Variants in COL17A1 observed in about 807,000 individuals in gnomAD.
The protein encoded by COL17A1 is collagen alpha-1(XVII) chain.
In COL17A1, 181 loss-of-function variants were observed where a neutral mutation model predicts 218.4. That is an observed-to-expected ratio of 0.83 (90% CI 0.73 to 0.94). The LOEUF (loss-of-function observed/expected upper bound fraction) is 0.94. Ranked by LOEUF, COL17A1 falls within the 40% of genes least tolerant of loss-of-function variation. The probability of loss-of-function intolerance (pLI) is 0.00; values close to 1 mark genes in which losing one functional copy is unlikely to be tolerated. For synonymous variants in COL17A1, 721 were observed against 731.0 expected (o/e 0.99, Z 0.22); for missense variants, 1,924 against 1,945.9 (o/e 0.99, Z 0.21).
rs766292786 is a variant in COL17A1, at chr10:104,034,344, G to A, written c.3767-10C>T. 6 of 1,546,332 alleles carry A rather than the reference G, an allele frequency of 3.9e-6. No individual in the cohort carries two copies. The South Asian group carries it at 7.1e-5, about 18-fold the overall frequency. On this transcript the variant is annotated splice_polypyrimidine_tract_variant and intron_variant, in intron 51 of 55. Transcript: ENST00000648076. Reference sequence around the variant, plus strand: ...CTGCGCACATCAGGACCTGCAGGGTGAGAAGCTGCATGAGTGGGAGCTCAG... The same window carrying A: ...CTGCGCACATCAGGACCTGCAGGGTAAGAAGCTGCATGAGTGGGAGCTCAG...
intron 47 of COL17A1, 87 bp from the exon 48 acceptor site, chr10:104,036,719 C>T (rs2086303450): frequency 2.0e-6 from 3 of 1,511,352 alleles, no homozygotes; most frequent in South Asian, 2.3e-5. Context: ...CTCCCCTGCA[C>T]AAACTGGCTC....
At position 104,050,090 on chromosome 10, in the gene COL17A1, T is replaced by C. The variant is rs559497323; in HGVS notation, c.2163A>G (p.Thr721=). ...AGTAGATTCCCATGACAGACTGACC[T>C]GTGAGGCCTCGAGGTCCTTTCTCAC... ...DQGEKGPRGL[T]GEPGMRGLPG... Residue 721 remains threonine, a splice_region_variant and synonymous_variant, in exon 28 of 56, where the codon ACA becomes ACG. Coordinates refer to ENST00000648076, the MANE Select transcript of COL17A1 (RefSeq NM_000494.4). 5.0e-6 allele frequency: 8 copies of C among 1,614,134 alleles called. No individual in the cohort carries two copies. The East Asian group carries it at 6.7e-5, about 13-fold the overall frequency.
Position 104,035,491 on chromosome 10 carries a change from A to G in COL17A1, c.3491T>C (p.Leu1164Pro), listed in dbSNP as rs780894115. 16 of 1,613,952 alleles carry G rather than the reference A, an allele frequency of 9.9e-6. No individual in the cohort carries two copies. In the South Asian group the frequency reaches 1.3e-4, roughly 13 times the overall value. ...PGLPGTSYEELLSLLRGSEFR... is the reference protein window; with the variant it reads ...PGLPGTSYEEPLSLLRGSEFR... ...GGCCTTACCTCGCAGCAAGGAGAGG[A>G]GCTCCTCATAGGAGGTTCCCGGCAA... Residue 1164 changes from leucine to proline, a missense_variant, in exon 49 of 56, where the codon CTC becomes CCC. By Grantham distance (98) the Leu-to-Pro change is moderately conservative (BLOSUM62 -3). Transcript: ENST00000648076.
Position 104,041,353 on chromosome 10 carries a change from G to C in COL17A1, c.2606-9C>G. 6.2e-7 allele frequency: 1 copy of C among 1,610,500 alleles called. No individual in the cohort carries two copies. The highest frequency in any genetic ancestry group is 8.5e-7 in the Non-Finnish European group (1 of 1,178,534). On this transcript the variant is annotated splice_polypyrimidine_tract_variant and intron_variant, in intron 37 of 55. Coordinates refer to ENST00000648076, the MANE Select transcript of COL17A1 (RefSeq NM_000494.4). Reference sequence around the variant, plus strand: ...GCCTGGAATGGAAGGCCCTGCAGAAGAGAGCAAGGAAGAGGCCATGCTGAG... The same window carrying C: ...GCCTGGAATGGAAGGCCCTGCAGAACAGAGCAAGGAAGAGGCCATGCTGAG...
At chr10:104,036,106 G>GTGTGTGTATA (rs1491224861) in intron 48 of COL17A1, among the ~76,000 whole-genome samples, 176 of 732 alleles carry the variant, frequency 0.24, 70 homozygotes, top group South Asian at 0.54. Context: ...GTGTATGGGA[G>GTGTGTGTATA]TGTGTGTGTA....
intron 9 of COL17A1, among the ~76,000 whole-genome samples, chr10:104,065,237 G>A (rs577878920): frequency 6.6e-6 from 1 of 152,238 alleles, no homozygotes; most frequent in African/African-American, 2.4e-5. Flanking sequence ...ATGCAGGTCA[G>A]AAAGTGCCCT....
chr10:104,034,919 GA>G, intron 50 of COL17A1, 152 bp from the exon 51 acceptor site: 2 of 936,248 alleles, frequency 2.1e-6, no homozygotes, highest in Non-Finnish European at 1.6e-6. Flanking sequence ...CAGGAGGCCA[GA>G]GCCTGCTGTT....
chr10:104,058,273 CT>C (rs2086550585), intron 15 of COL17A1, 83 bp from the exon 16 acceptor site: 8 of 1,574,898 alleles, frequency 5.1e-6, no homozygotes, highest in Non-Finnish European at 6.9e-6. Flanking sequence ...TTTTTTATTC[CT>C]TTACTTTCTT....
chr10:104,037,200 C>T (rs2086308863), intron 46 of COL17A1, 87 bp from the exon 47 acceptor site: 2 of 1,262,312 alleles, frequency 1.6e-6, no homozygotes, highest in Non-Finnish European at 1.1e-6. Flanking sequence ...GCCCGGTCAC[C>T]GAGCTGTTTG....
chr10:104,066,514 A>AG (rs889490257), intron 9 of COL17A1, among the ~76,000 whole-genome samples: 5 of 152,212 alleles, frequency 3.3e-5, no homozygotes, highest in African/African-American at 1.2e-4. Context: ...TCCTCACAAG[A>AG]GGAGACGGGT....
In COL17A1 at chr10:104,059,530, T is replaced by A; in HGVS notation, c.1222+108A>T. Reference sequence around the variant, plus strand: ...ATAACACACTCCCAGGTGTGGCTGATGCTGCTGGCCCGTGGACCACACTTT... The same window carrying A: ...ATAACACACTCCCAGGTGTGGCTGAAGCTGCTGGCCCGTGGACCACACTTT... On this transcript the variant is annotated intron_variant, in intron 15 of 55. Coordinates refer to ENST00000648076, the MANE Select transcript of COL17A1 (RefSeq NM_000494.4). 6.2e-6 allele frequency: 6 copies of A among 975,224 alleles called. No homozygotes were observed. The South Asian group carries it at 6.5e-5, about 11-fold the overall frequency. The allele number at this position is 975,224 out of a possible 1,614,324, so 60.4% of individuals were successfully genotyped here. A position where few individuals can be genotyped will look rare whatever the true frequency, so the allele number is the denominator to read the frequency against.
chr10:104,041,077 G>A lies in COL17A1; in HGVS notation c.2689C>T (p.Leu897=). 1 of 1,614,162 alleles carries A rather than the reference G, an allele frequency of 6.2e-7. No homozygotes were observed. Among genetic ancestry groups the A allele is most frequent in the Middle Eastern group, 1.6e-4 (1 of 6,062 alleles). ...TCCCTGACATTACCTGAGTTGGACA[G>A]GAACGATCCTGGTGGGCCTGGTGGG... ...PGPPGPPGSF[L]SNSETFLSGP... is the part of the protein sequence containing the mutation. The change falls in exon 39 of 56, where the codon CTG becomes TTG. Residue 897 remains leucine (L), a synonymous_variant. Transcript: ENST00000648076.
intron 52 of COL17A1, 37 bp from the exon 53 acceptor site, chr10:104,033,412 A>G (rs1367867648): frequency 6.2e-7 from 1 of 1,605,244 alleles, no homozygotes; most frequent in South Asian, 1.1e-5. Flanking sequence ...GGAAGCAGGG[A>G]TCTCCCAGTA....
chr10:104,040,558 ATGGGCGGGTGGG>A, intron 39 of COL17A1, 148 bp from the exon 40 acceptor site: 1 of 389,292 alleles, frequency 2.6e-6, no homozygotes, highest in East Asian at 7.7e-5. Flanking sequence ...GGGTGGATGA[ATGGGCGGGTGGG>A]TGGATGGATG....
At chr10:104,055,657 C>T in intron 18 of COL17A1, 125 bp downstream of exon 18, 1 of 1,358,414 alleles carries the variant, frequency 7.4e-7, no homozygotes, top group Non-Finnish European at 1.0e-6. Context: ...TTGAGAGGAT[C>T]AGGGGAGGAG....
intron 2 of COL17A1, among the ~76,000 whole-genome samples, chr10:104,079,584 T>C (rs2086745352): frequency 6.6e-6 from 1 of 152,222 alleles, no homozygotes; most frequent in South Asian, 2.1e-4. Flanking sequence ...TTGGTTGTCC[T>C]AGCAAGAAGA....
intron 1 of COL17A1, among the ~76,000 whole-genome samples, chr10:104,083,705 C>T (rs529906051): frequency 3.9e-5 from 6 of 152,280 alleles, no homozygotes; most frequent in South Asian, 2.1e-4. Context: ...TGAACCATCA[C>T]GTTAACTGTT....
rs548548309 is a variant in COL17A1, at chr10:104,032,255, T to A, written c.4474A>T (p.Ser1492Cys). 1.2e-6 allele frequency: 2 copies of A among 1,613,848 alleles called. No homozygotes were observed. Among genetic ancestry groups the A allele is most frequent in the East Asian group, 4.5e-5 (2 of 44,898 alleles). ...CTAGCTCACGGCTTGACAGCAATAC[T>A]TCTTCTCCTTCTCCGCCCAGCATAG... ...QVYAGRRRRR[S>C]IAVKP is the part of the protein sequence containing the mutation. The change falls in exon 56 of 56, where the codon AGT (serine) becomes TGT (cysteine). Residue 1492 changes from serine to cysteine, a missense_variant. Coordinates refer to ENST00000648076, the MANE Select transcript of COL17A1 (RefSeq NM_000494.4).
At chr10:104,062,681 C>T (rs1589571727) in intron 11 of COL17A1, among the ~76,000 whole-genome samples, 1 of 152,164 alleles carries the variant, frequency 6.6e-6, no homozygotes. Context: ...CCTTGGTGCA[C>T]AGTGTGGGAA....
Sources: gnomAD v4.1 joint callset for allele counts (sites outside exome capture counted in the v4.1 genomes callset) on GRCh38, gnomAD v4.1.1 for gene constraint, MANE v1.5 for transcripts, NCBI Gene and HGNC (gene_info 2026-07-23, HGNC 2026-07-21) for gene names.